GPC5: variants seen among roughly 807,000 people sequenced by gnomAD.
The protein encoded by GPC5 is glypican 5.
A neutral mutation model predicts 53.9 loss-of-function variants in GPC5; 47 were observed. The ratio of observed to expected loss-of-function variants is 0.87; its 90% confidence interval spans 0.69 to 1.11. The LOEUF is 1.11. Ranked by LOEUF, GPC5 falls within the 50% of genes most tolerant of loss-of-function variation. GPC5 has a pLI of 0.00. For synonymous variants in GPC5, 286 were observed against 263.3 expected, an observed-to-expected ratio of 1.09 and a Z score of -0.84; for missense variants, 748 against 713.1, an observed-to-expected ratio of 1.05 and a Z score of -0.56.
At chr13:92,129,353 T>A (rs146332683) in intron 6 of GPC5, among the ~76,000 whole-genome samples, 1 of 152,328 alleles carries the variant, frequency 6.6e-6, no homozygotes, top group Non-Finnish European at 1.5e-5. Flanking sequence ...TGATAATGAC[T>A]TTCTCCCAAC....
chr13:91,447,409 C>A (rs1304797704), intron 1 of GPC5, among the ~76,000 whole-genome samples: 1 of 149,774 alleles, frequency 6.7e-6, no homozygotes, highest in Non-Finnish European at 1.5e-5. Context: ...AAGTGAAAAA[C>A]GATTGCCAAA....
At chr13:92,405,796 T>C (rs1001238182) in intron 7 of GPC5, among the ~76,000 whole-genome samples, 2 of 152,156 alleles carry the variant, frequency 1.3e-5, no homozygotes, top group Non-Finnish European at 2.9e-5. Context: ...AAAAAGTCTA[T>C]ATTTACACGT....
intron 5 of GPC5, among the ~76,000 whole-genome samples, chr13:91,802,248 C>G (rs1165274091): frequency 6.6e-6 from 1 of 151,988 alleles, no homozygotes; most frequent in Non-Finnish European, 1.5e-5. Flanking sequence ...TTTCTTCCCT[C>G]TGGTGGGTTC....
intron 7 of GPC5, among the ~76,000 whole-genome samples, chr13:92,533,643 A>G (rs1881632888): frequency 6.6e-6 from 1 of 152,178 alleles, no homozygotes; most frequent in Non-Finnish European, 1.5e-5. Flanking sequence ...CCATAGCGTT[A>G]AATAGAGGGT....
chr13:92,257,545 G>GTTTTTTTTTTTTTTT (rs1566507028), intron 7 of GPC5, among the ~76,000 whole-genome samples: 9 of 50,024 alleles, frequency 1.8e-4, no homozygotes, highest in Non-Finnish European at 3.1e-4. Flanking sequence ...CTAATACAGG[G>GTTTTTTTTTTTTTTT]ATTTTTTTTT....
intron 7 of GPC5, among the ~76,000 whole-genome samples, chr13:92,464,078 G>T (rs887234256): frequency 6.6e-6 from 1 of 152,174 alleles, no homozygotes; most frequent in Admixed American, 6.5e-5. Context: ...TGTCATCAGT[G>T]TTCTGAGGAG....
At chr13:92,553,530 C>G (rs1242335385) in intron 7 of GPC5, among the ~76,000 whole-genome samples, 1 of 151,692 alleles carries the variant, frequency 6.6e-6, no homozygotes, top group Non-Finnish European at 1.5e-5. Context: ...TGGTAATGTC[C>G]CCAGTTTTAT....
chr13:91,583,981 G>A (rs1283256586), intron 2 of GPC5, among the ~76,000 whole-genome samples: 7 of 152,132 alleles, frequency 4.6e-5, no homozygotes, highest in Non-Finnish European at 7.4e-5. Context: ...TTTGGAGATA[G>A]GGCCTGTAAA....
At chr13:91,705,800 T>G (rs901970089) in intron 3 of GPC5, among the ~76,000 whole-genome samples, 35 of 151,290 alleles carry the variant, frequency 2.3e-4, no homozygotes, top group African/African-American at 7.7e-4. Flanking sequence ...AAAATATTAC[T>G]TATACTCCTC....
intron 6 of GPC5, among the ~76,000 whole-genome samples, chr13:91,984,573 T>C (rs2040389838): frequency 2.0e-5 from 3 of 152,228 alleles, no homozygotes; most frequent in Admixed American, 2.0e-4. Context: ...GTCATCGTAG[T>C]TGTTTTCATG....
At chr13:92,641,291 A>G (rs139806215) in intron 7 of GPC5, among the ~76,000 whole-genome samples, 213 of 152,250 alleles carry the variant, frequency 1.4e-3, no homozygotes, top group African/African-American at 4.9e-3. Flanking sequence ...CTGCTGCATT[A>G]TTCCACTTGC....
At chr13:92,514,475 C>T (rs368621868) in intron 7 of GPC5, among the ~76,000 whole-genome samples, 273 of 152,220 alleles carry the variant, frequency 1.8e-3, no homozygotes, top group South Asian at 0.015. Context: ...CTACTTTTTC[C>T]ACTCTTACTT....
chr13:91,597,570 T>C (rs549723614), intron 2 of GPC5, among the ~76,000 whole-genome samples: 155 of 152,310 alleles, frequency 1.0e-3, no homozygotes, highest in African/African-American at 3.6e-3. Context: ...CGCCAACACC[T>C]CCTTGAAATA....
chr13:91,415,748 G>C (rs1352150502), intron 1 of GPC5, among the ~76,000 whole-genome samples: 3 of 146,546 alleles, frequency 2.0e-5, no homozygotes, highest in Non-Finnish European at 4.4e-5. Context: ...TGCGGGGGTG[G>C]GGGGGGTGGG....
chr13:91,420,097 A>G (rs1224944610), intron 1 of GPC5, among the ~76,000 whole-genome samples: 1 of 152,070 alleles, frequency 6.6e-6, no homozygotes, highest in Admixed American at 6.6e-5. Flanking sequence ...GTGTCTCATG[A>G]TCCTGGTATC....
intron 3 of GPC5, among the ~76,000 whole-genome samples, chr13:91,715,353 G>A (rs1387832158): frequency 2.0e-5 from 3 of 151,996 alleles, no homozygotes; most frequent in South Asian, 2.1e-4. Flanking sequence ...ATATCTACAC[G>A]TACACATAGA....
chr13:92,306,465 G>T (rs1312854210), intron 7 of GPC5, among the ~76,000 whole-genome samples: 2 of 152,154 alleles, frequency 1.3e-5, no homozygotes, highest in African/African-American at 2.4e-5. Flanking sequence ...TTGTGACACG[G>T]AATTGTCTCA....
At chr13:92,178,963 C>G (rs1349844726) in intron 7 of GPC5, among the ~76,000 whole-genome samples, 1 of 151,816 alleles carries the variant, frequency 6.6e-6, no homozygotes, top group African/African-American at 2.4e-5. Context: ...AGAGCGGGAC[C>G]CTGTCTCAAA....
intron 7 of GPC5, among the ~76,000 whole-genome samples, chr13:92,742,907 T>C (rs916843782): frequency 1.2e-4 from 19 of 152,162 alleles, no homozygotes; most frequent in African/African-American, 4.3e-4. Context: ...TATGGCATTA[T>C]TTCTGAGGGC....
Sources: allele counts gnomAD v4.1 joint callset (sites outside exome capture counted in the v4.1 genomes callset), GRCh38; gene constraint gnomAD v4.1.1; transcripts MANE v1.5; gene names NCBI Gene and HGNC (gene_info 2026-07-23, HGNC 2026-07-21).